Variants in PDE4C observed in about 807,000 individuals in gnomAD.
The protein encoded by PDE4C is 3',5'-cyclic-AMP phosphodiesterase 4C.
PDE4C carries 50 observed loss-of-function variants against 63.9 expected under a neutral mutation model. The ratio of observed to expected loss-of-function variants is 0.78; its 90% CI spans 0.62 to 0.99. PDE4C has a LOEUF of 0.99. Among genes scored for constraint, PDE4C ranks in the 50% least tolerant of loss-of-function variants. The probability of loss-of-function intolerance (pLI) is 0.00; values close to 1 mark genes in which losing one functional copy is unlikely to be tolerated. For missense variants in PDE4C, 777 were observed against 899.1 expected, an observed-to-expected ratio of 0.86 and a Z score of 1.74; for synonymous variants, 377 against 385.1, an observed-to-expected ratio of 0.98 and a Z score of 0.25.
chr19:18,221,049 T>TCCACCAGGCCCCGCCCCACC (rs1555824202), intron 4 of PDE4C, 56 bp downstream of exon 4: 34 of 1,240,996 alleles, frequency 2.7e-5, no homozygotes, highest in Non-Finnish European at 3.8e-5. Flanking sequence ...CAGCCCGCTT[T>TCCACCAGGCCCCGCCCCACC]CCGCCCACCT....
chr19:18,214,072 C>T (rs1968087446), intron 12 of PDE4C, among the ~76,000 whole-genome samples: 1 of 152,070 alleles, frequency 6.6e-6, no homozygotes, highest in African/African-American at 2.4e-5. Context: ...TCCTGGCTAA[C>T]ATGGTGAAAC....
chr19:18,235,073 A>G (rs1156342047), upstream of PDE4C, among the ~76,000 whole-genome samples: 5 of 152,162 alleles, frequency 3.3e-5, no homozygotes, highest in African/African-American at 1.2e-4. Context: ...CAAGGACTAA[A>G]AGTGATGCCA....
At chr19:18,239,394 G>C (rs1969003007) in intron 1 of PDE4C, among the ~76,000 whole-genome samples, 1 of 152,200 alleles carries the variant, frequency 6.6e-6, no homozygotes, top group Non-Finnish European at 1.5e-5. Flanking sequence ...GAGCTCTTCA[G>C]CGCAACAGAT....
At chr19:18,233,949 G>A (rs1968903925), upstream of PDE4C, among the ~76,000 whole-genome samples, 1 of 152,200 alleles carries the variant, frequency 6.6e-6, no homozygotes, top group Non-Finnish European at 1.5e-5. Flanking sequence ...GCCCCAGAAG[G>A]GGTCTCTTTG....
exon 15 of PDE4C, chr19:18,211,256 A>G (rs1348599935): frequency 6.3e-7 from 1 of 1,589,060 alleles, no homozygotes; most frequent in Non-Finnish European, 8.6e-7. Flanking sequence ...GTGGGTGAGC[A>G]ATGTAGTCAA....
At chr19:18,236,692 T>C (rs956203128), upstream of PDE4C, among the ~76,000 whole-genome samples, 5 of 152,200 alleles carry the variant, frequency 3.3e-5, no homozygotes, top group African/African-American at 1.2e-4. Context: ...TGTGGGCACC[T>C]CCTTGTGCAT....
At chr19:18,211,303 C>T in intron 14 of PDE4C, 27 bp from the exon 15 acceptor site, 1 of 1,536,838 alleles carries the variant, frequency 6.5e-7, no homozygotes, top group South Asian at 1.3e-5. Flanking sequence ...GGCATGTCGG[C>T]ATTTGGTGAG....
intron 13 of PDE4C, among the ~76,000 whole-genome samples, chr19:18,213,069 G>A (rs994536942): frequency 2.7e-5 from 4 of 149,584 alleles, no homozygotes; most frequent in Admixed American, 1.3e-4. Context: ...CGAGGTGGGC[G>A]GATCTCAATC....
chr19:18,243,480 G>T (rs1969078354), intron 1 of PDE4C, among the ~76,000 whole-genome samples: 1 of 142,624 alleles, frequency 7.0e-6, no homozygotes, highest in African/African-American at 2.7e-5. Context: ...CTGGGGAATG[G>T]GGCTGCCATT....
Position 18,220,083 on chromosome 19 carries a change from T to C in PDE4C, c.706+143A>G. On this transcript the variant is annotated intron_variant, in intron 7 of 14. Coordinates refer to ENST00000262805, the Ensembl canonical transcript of PDE4C. This position sits in a 1 kb window ranked among gnomAD's most constrained non-coding sequence, Gnocchi z 5.1. ...CCTGGAAGTTCCCCTTGTTCCTCCC[T>C]CTGATCCAGCCCTGACTCATGGGGG... 3 of 704,304 alleles carry C rather than the reference T, an allele frequency of 4.3e-6. No individual in the cohort carries two copies. Among genetic ancestry groups the C allele is most frequent in the Non-Finnish European group, 7.6e-6 (3 of 395,578 alleles). 43.6% of individuals were successfully genotyped at this position (704,304 alleles called of 1,614,324 possible).
At chr19:18,215,472 G>T (rs1215055300) in intron 12 of PDE4C, among the ~76,000 whole-genome samples, 1 of 138,890 alleles carries the variant, frequency 7.2e-6, no homozygotes, top group Non-Finnish European at 1.6e-5. Context: ...AAAACTTACT[G>T]ATGTGCCCCT....
chr19:18,250,206 C>T (rs960818925), upstream of PDE4C: 1 of 398,762 alleles, frequency 2.5e-6, no homozygotes, highest in Non-Finnish European at 4.4e-6. Context: ...GGGAGGCATT[C>T]AGACACCAAA....
intron 1 of PDE4C, among the ~76,000 whole-genome samples, chr19:18,223,252 C>T (rs1294459471): frequency 2.7e-5 from 4 of 150,636 alleles, no homozygotes; most frequent in African/African-American, 9.8e-5. Flanking sequence ...CTCTTGTTGC[C>T]CAAGCTGGAG....
intron 4 of PDE4C, 47 bp downstream of exon 4, chr19:18,221,058 C>CCCCCCCCCCCCCCCCCCCCCGG: frequency 1.6e-6 from 2 of 1,221,610 alleles, no homozygotes; most frequent in Non-Finnish European, 2.3e-6. Flanking sequence ...TTCCGCCCAC[C>CCCCCCCCCCCCCCCCCCCCCGG]TTGTCTCTGC....
exon 1 of PDE4C, chr19:18,233,615 C>A (rs992136383): frequency 4.5e-6 from 2 of 442,966 alleles, no homozygotes; most frequent in Admixed American, 5.3e-5. Flanking sequence ...TCTCAGGAGA[C>A]CCCCGGGGCC....
rs749179993 is a variant in PDE4C at position 18,211,324 on chromosome 19, C to T, written c.1696-48G>A. 5 of 1,457,456 alleles carry T rather than the reference C, an allele frequency of 3.4e-6. No individual in the cohort carries two copies. The South Asian group carries it at 6.9e-5, about 20-fold the overall frequency. The allele number at this position is 1,457,456 out of a possible 1,614,324, so 90.3% of individuals were successfully genotyped here. A position where few individuals can be genotyped will look rare whatever the true frequency, so the allele number is the denominator to read the frequency against. On this transcript the variant is annotated intron_variant, in intron 14 of 14. Coordinates refer to ENST00000262805, the Ensembl canonical transcript of PDE4C. ...TCGGCATTTGGTGAGTTACAGTGAA[C>T]CCTAGACTCAATCCAGCCTCCAGAT...
rs377442673 is a variant in PDE4C, at chr19:18,211,915, A to G, written c.1539T>C (p.Ala513=). The G allele has an allele frequency of 2.5e-6, 4 of 1,614,090 alleles. No individual in the cohort carries two copies. In the African/African-American group the frequency reaches 5.3e-5, roughly 22 times the overall value. The stretch of plus-strand genomic sequence containing the variant: ...GCGGCTTGGTGGGGTTGCTCAGATC[A>G]GCACAGTGCACCAGGTTCTGCAAGA... The change falls in exon 14 of 15, where the codon GCT becomes GCC. Residue 513 remains alanine, a synonymous_variant. Transcript: ENST00000262805.
Position 18,218,991 on chromosome 19 carries a change from C to T in PDE4C, c.918G>A (p.Ala306=), listed in dbSNP as rs531756786. The T allele has an allele frequency of 1.4e-5, 23 of 1,613,632 alleles. No homozygotes were observed. In the East Asian group the frequency reaches 1.6e-4, roughly 11 times the overall value. The change falls in exon 9 of 15, where the codon GCG becomes GCA. Residue 306 remains alanine, a synonymous_variant. Coordinates refer to ENST00000262805, the Ensembl canonical transcript of PDE4C. ...TGAGGGGCCGGTTCCCACTTAGCTC[C>T]GCCACCTTGAACACATCAAGTCCCC...
chr19:18,254,169 G>C, the PDE4C span, among the ~76,000 whole-genome samples: 1 of 152,198 alleles, frequency 6.6e-6, no homozygotes, highest in East Asian at 1.9e-4. Context: ...GAGTAGCAGA[G>C]GGTCTGGCCT....
Sources: allele counts gnomAD v4.1 joint callset (sites outside exome capture counted in the v4.1 genomes callset), GRCh38; gene constraint gnomAD v4.1.1; non-coding constraint Gnocchi (gnomAD v3.1); transcripts MANE v1.5; gene names NCBI Gene and HGNC (gene_info 2026-07-23, HGNC 2026-07-21).